ASAH1: variants seen among roughly 807,000 people sequenced by gnomAD.
ASAH1 encodes the protein N-acylsphingosine amidohydrolase 1, also known as acid ceramidase.
A neutral mutation model predicts 59.5 loss-of-function variants in ASAH1; 70 were observed. That is an observed-to-expected ratio of 1.18 (90% CI 0.97 to 1.43). The LOEUF is 1.43. ASAH1 is among the 40% of genes most tolerant of loss of function. The pLI, the probability that ASAH1 is intolerant of heterozygous loss-of-function variation, is 0.00. For synonymous variants in ASAH1, 213 were observed against 166.5 expected (o/e 1.28, Z -2.15); for missense variants, 660 against 482.5 (o/e 1.37, Z -3.45).
In ASAH1 at chr8:18,061,760, A is replaced by G; in HGVS notation, c.649-20T>C. On this transcript the variant is annotated intron_variant, in intron 8 of 13. Transcript: ENST00000637790. ...CAGTCCCTGAGAAAAAGACAAAGCAACGAAGTCAGAAACATCAACCATGCG... is the reference window on the plus strand; with the variant it reads ...CAGTCCCTGAGAAAAAGACAAAGCAGCGAAGTCAGAAACATCAACCATGCG... 6.4e-7 allele frequency: 1 copy of G among 1,560,064 alleles called. No homozygotes were observed. The highest frequency in any genetic ancestry group is 8.7e-7 in the Non-Finnish European group (1 of 1,150,662).
chr8:18,084,277 T>A (rs539981182), upstream of ASAH1: 161 of 1,440,648 alleles, frequency 1.1e-4, 1 homozygote, highest in Middle Eastern at 2.0e-3. Context: ...GAGAGAGCCT[T>A]CCAGGCTACC....
intron 13 of ASAH1, 88 bp from the exon 14 acceptor site, chr8:18,057,711 G>C: frequency 1.2e-6 from 1 of 834,830 alleles, no homozygotes; most frequent in South Asian, 1.5e-5. Flanking sequence ...TGTAGAATTT[G>C]CTTTAGAAGT....
chr8:18,059,454 T>G lies in ASAH1; in HGVS notation c.928A>C (p.Lys310Gln), dbSNP rs139585444. 3.6e-4 allele frequency: 578 copies of G among 1,614,190 alleles called. 7 individuals carry two copies. In the South Asian group the frequency reaches 3.7e-3, roughly 10 times the overall value. Residue 310 changes from lysine (K) to glutamine (Q), a missense_variant, in exon 12 of 14, where the codon AAG becomes CAG. Lys to Gln is a moderately conservative substitution (Grantham distance 53, BLOSUM62 1). Coordinates refer to ENST00000637790, the MANE Select transcript of ASAH1 (RefSeq NM_177924.5). ...ESLDVYELDA[K>Q]QGRWYVVQTN... is the part of the protein sequence containing the mutation. The stretch of plus-strand genomic sequence containing the variant: ...TGTACCACATACCATCTACCCTGCT[T>G]AGCATCGAGTCTAGATACAAAAGGA...
At chr8:18,084,600 A>G, upstream of ASAH1, 1 of 1,597,788 alleles carries the variant, frequency 6.3e-7, no homozygotes, top group Non-Finnish European at 8.5e-7. Flanking sequence ...GGAGTCAGGG[A>G]CAAGGAGCAG....
upstream of ASAH1, chr8:18,084,951 G>A (rs1800838680): frequency 8.5e-7 from 1 of 1,176,738 alleles, no homozygotes; most frequent in East Asian, 2.7e-5. Flanking sequence ...TAGGTGACCG[G>A]GTTGGATTTC....
At chr8:18,073,612 A>G (rs973698344) in intron 2 of ASAH1, among the ~76,000 whole-genome samples, 1 of 152,190 alleles carries the variant, frequency 6.6e-6, no homozygotes, top group African/African-American at 2.4e-5. Context: ...CAGTTCCTTT[A>G]TCTTCAGCAT....
chr8:18,062,047 C>T (rs944986919), intron 8 of ASAH1: 10 of 637,016 alleles, frequency 1.6e-5, no homozygotes, highest in Admixed American at 5.8e-5. Flanking sequence ...GACTCCCAGC[C>T]CTTGACACCC....
intron 13 of ASAH1, 82 bp downstream of exon 13, chr8:18,058,753 G>T: frequency 1.6e-6 from 2 of 1,279,754 alleles, no homozygotes; most frequent in South Asian, 1.2e-5. Context: ...TGCTCAAACT[G>T]ATCAAAGATA....
intron 10 of ASAH1, chr8:18,060,770 C>G (rs1799661282): frequency 1.3e-5 from 2 of 152,384 alleles, no homozygotes; most frequent in African/African-American, 4.8e-5. Flanking sequence ...TTTTTTAAGA[C>G]AGAGTCTCAC....
intron 5 of ASAH1, chr8:18,065,508 A>T (rs1353559179): frequency 6.6e-6 from 1 of 152,162 alleles, no homozygotes; most frequent in East Asian, 1.9e-4. Flanking sequence ...CTGCTTTGCT[A>T]GCTTAAAGAT....
chr8:18,067,101 GCACCTGTGCTGTATATCT>G, intron 5 of ASAH1, 101 bp downstream of exon 5: 3 of 874,418 alleles, frequency 3.4e-6, no homozygotes, highest in South Asian at 2.3e-5. Flanking sequence ...TAAGACCTGT[GCACCTGTGCTGTATATCT>G]AAGACATACA....
Position 18,062,299 on chromosome 8 carries a change from T to A in ASAH1, c.628A>T (p.Met210Leu), listed in dbSNP as rs1799736836. 6.2e-7 allele frequency: 1 copy of A among 1,614,230 alleles called. No homozygotes were observed. The change falls in exon 8 of 14, where the codon ATG becomes TTG. Residue 210 changes from methionine to leucine, a missense_variant. Transcript: ENST00000637790. Reference sequence around the variant, plus strand: ...CTTACTGGTTTGAATCCTGTTAACATGCCCACATAGCCAGCAAAGCTTGAA... The same window carrying A: ...CTTACTGGTTTGAATCCTGTTAACAAGCCCACATAGCCAGCAAAGCTTGAA... ...KASSFAGYVG[M>L]LTGFKPGLFS...
intron 10 of ASAH1, 103 bp downstream of exon 10, chr8:18,061,274 A>C: frequency 9.7e-7 from 1 of 1,030,692 alleles, no homozygotes. Context: ...AAATTCTGCA[A>C]TAGTTCCTCA....
At chr8:18,068,701 A>C (rs1011401332) in intron 4 of ASAH1, 2 of 152,364 alleles carry the variant, frequency 1.3e-5, no homozygotes, top group African/African-American at 4.8e-5. Context: ...CCCCACAAAA[A>C]AGAGACACCC....
intron 3 of ASAH1, 82 bp downstream of exon 3, chr8:18,071,218 A>T: frequency 8.7e-6 from 7 of 802,404 alleles, no homozygotes; most frequent in Non-Finnish European, 1.2e-5. Context: ...AAACAAAAAA[A>T]AAATCAATCA....
chr8:18,075,230 T>G (rs537518150), intron 2 of ASAH1, among the ~76,000 whole-genome samples: 5 of 152,256 alleles, frequency 3.3e-5, no homozygotes, highest in African/African-American at 1.2e-4. Context: ...CCTGACCTTA[T>G]GATTTACCCG....
Position 18,057,362 on chromosome 8 carries a change from GA to G in ASAH1, c.*171del, listed in dbSNP as rs34574502. ...AATAAGAAAAATCAACTGATAGGGG[GA>G]AAAAAAAAAGATCTGTCATTTGTCA... is the stretch of plus-strand genomic sequence containing the variant. On this transcript the variant is annotated 3_prime_UTR_variant, in exon 14 of 14. Coordinates refer to ENST00000637790, the MANE Select transcript of ASAH1 (RefSeq NM_177924.5). 0.081 allele frequency: 33,042 copies of G among 407,074 alleles called. 1,500 individuals carry two copies. Among genetic ancestry groups the G allele is most frequent in the African/African-American group, 0.18 (8,723 of 47,846 alleles). The allele number at this position is 407,074 out of a possible 1,614,324, so 25.2% of individuals were successfully genotyped here. A position where few individuals can be genotyped will look rare whatever the true frequency, so the allele number is the denominator to read the frequency against.
intron 2 of ASAH1, among the ~76,000 whole-genome samples, chr8:18,073,651 G>A (rs1188573615): frequency 1.3e-5 from 2 of 152,184 alleles, no homozygotes; most frequent in African/African-American, 4.8e-5. Context: ...TGGCCAAACA[G>A]GTTATCTTTT....
upstream of ASAH1, chr8:18,084,664 T>C: frequency 6.2e-7 from 1 of 1,613,284 alleles, no homozygotes; most frequent in Non-Finnish European, 8.5e-7. Flanking sequence ...CTCCAAGCTG[T>C]TGGTTACCCA....
Sources: allele counts gnomAD v4.1 joint callset (sites outside exome capture counted in the v4.1 genomes callset), GRCh38; gene constraint gnomAD v4.1.1; transcripts MANE v1.5; gene names NCBI Gene and HGNC (gene_info 2026-07-23, HGNC 2026-07-21).